Variants in LOXL3 observed in about 807,000 individuals in gnomAD.
LOXL3 encodes the protein lysyl oxidase like 3, also known as lysyl oxidase homolog 3.
In LOXL3, 60 loss-of-function variants were observed where a neutral mutation model predicts 91.8. That is an observed-to-expected ratio of 0.65 (90% CI 0.53 to 0.81). LOXL3 has a LOEUF of 0.81. Ranked by LOEUF, LOXL3 falls within the 30% of genes least tolerant of loss-of-function variation. The pLI, the probability that LOXL3 is intolerant of heterozygous loss-of-function variation, is 0.00. For synonymous variants in LOXL3, 355 were observed against 387.6 expected, an observed-to-expected ratio of 0.92 and a Z score of 0.99; for missense variants, 874 against 1,000.4, an observed-to-expected ratio of 0.87 and a Z score of 1.70.
intron 3 of LOXL3, 84 bp downstream of exon 3, chr2:74,550,101 A>G: frequency 6.6e-7 from 1 of 1,504,722 alleles, no homozygotes; most frequent in African/African-American, 1.4e-5. Context: ...AGGGGTAACT[A>G]CCTTCTAATG....
rs1306349031 is a variant in LOXL3 at position 74,552,368 on chromosome 2, TGTGAAGCCCAGCTCCC to T, written c.251_266del (p.Arg84GlnfsTer24). 1 of 1,611,534 alleles carries T rather than the reference TGTGAAGCCCAGCTCCC, an allele frequency of 6.2e-7. No individual in the cohort carries two copies. The highest frequency in any genetic ancestry group is 2.2e-5 in the East Asian group (1 of 44,804). On this transcript the variant is annotated frameshift_variant, in exon 2 of 14. Transcript: ENST00000264094. LOFTEE classifies it high-confidence loss of function. ...CACTGTGGGTCCAGCCTGTGGCCTC[TGTGAAGCCCAGCTCCC>T]GGCAGAGGATGTGGGCAGCCTGCAG... is the stretch of plus-strand genomic sequence containing the variant.
In LOXL3 at chr2:74,535,113, G is replaced by A. The variant is rs1359090402; in HGVS notation, c.1579+179C>T. On this transcript the variant is annotated intron_variant, in intron 9 of 13. Transcript: ENST00000264094. This position sits in a 1 kb window ranked among gnomAD's most constrained non-coding sequence, Gnocchi z 4.2. The stretch of plus-strand genomic sequence containing the variant: ...AGGCTGGTCTTGAATTCCTGACCTC[G>A]TGATCCATCCGCCTTGGCCTCCTAA... 2.0e-5 allele frequency among the ~76,000 whole-genome samples: 3 copies of A among 152,264 alleles called. No individual in the cohort carries two copies. Among genetic ancestry groups the A allele is most frequent in the Non-Finnish European group, 4.4e-5 (3 of 68,004 alleles).
chr2:74,552,149 T>C (rs1247670951), intron 2 of LOXL3, among the ~76,000 whole-genome samples, 173 bp downstream of exon 2: 1 of 152,198 alleles, frequency 6.6e-6, no homozygotes, highest in Non-Finnish European at 1.5e-5. Flanking sequence ...TAGCCTAAGG[T>C]CACACAGCTC....
In LOXL3 at chr2:74,534,112, G is replaced by A. The variant is rs139838276; in HGVS notation, c.2064C>T (p.Asn688=). Residue 688 remains asparagine, a synonymous_variant, in exon 12 of 14, where the codon AAC becomes AAT. Transcript: ENST00000264094. Reference sequence around the variant, plus strand: ...AGACTCCAGGTACCTGGAGAATGTAGTTTCCTGGCTTCACATCCGTGATGT... The same window carrying A: ...AGACTCCAGGTACCTGGAGAATGTAATTTCCTGGCTTCACATCCGTGATGT... ...WIDITDVKPG[N]YILQVVINPN... is the part of the protein sequence containing the mutation. 1.1e-4 allele frequency: 180 copies of A among 1,614,036 alleles called. No homozygotes were observed. The highest frequency in any genetic ancestry group is 1.6e-4 in the Middle Eastern group (1 of 6,084).
chr2:74,547,338 A>G (rs1418309334), intron 4 of LOXL3, among the ~76,000 whole-genome samples: 1 of 152,240 alleles, frequency 6.6e-6, no homozygotes, highest in Non-Finnish European at 1.5e-5. Flanking sequence ...CCTGGCACAT[A>G]GTAAGATCTC....
In LOXL3 at chr2:74,534,380, A is replaced by G. The variant is rs751033818; in HGVS notation, c.1875T>C (p.Asn625=). The G allele has an allele frequency of 6.2e-7, 1 of 1,614,214 alleles. No homozygotes were observed. ...TGTGGCCCTCAGCCACCTTGGTGCCATTTGGGGTGAGGATATCATAGTGAG... is the reference window on the plus strand; with the variant it reads ...TGTGGCCCTCAGCCACCTTGGTGCCGTTTGGGGTGAGGATATCATAGTGAG... The part of the protein sequence containing the change: ...IFTHYDILTP[N]GTKVAEGHKA... Residue 625 remains asparagine (N), a synonymous_variant, in exon 11 of 14, where the codon AAT becomes AAC. Transcript: ENST00000264094.
At chr2:74,554,399 G>T, upstream of LOXL3, 1 of 278,128 alleles carries the variant, frequency 3.6e-6, no homozygotes, top group South Asian at 5.1e-5. The surrounding 1 kb of genome is among the most constrained non-coding windows in gnomAD (Gnocchi z 4.9). Context: ...CCGGTGCCCG[G>T]GGCGCTTTCG....
In LOXL3 at chr2:74,549,948, G is replaced by C; in HGVS notation, c.477+237C>G. On this transcript the variant is annotated intron_variant, in intron 3 of 13. Transcript: ENST00000264094. This position sits in a 1 kb window ranked among gnomAD's most constrained non-coding sequence, Gnocchi z 5.3. ...GAGAAGGAGAGCACCAGGTGCCCCAGGGGTGACTAGGGATGAAGCTGGAGA... is the reference window on the plus strand; with the variant it reads ...GAGAAGGAGAGCACCAGGTGCCCCACGGGTGACTAGGGATGAAGCTGGAGA... 1 of 985,456 alleles carries C rather than the reference G, an allele frequency of 1.0e-6. No homozygotes were observed. The highest frequency in any genetic ancestry group is 1.2e-6 in the Non-Finnish European group (1 of 829,934). The allele number at this position is 985,456 out of a possible 1,614,324, so 61.0% of individuals were successfully genotyped here. A position where few individuals can be genotyped will look rare whatever the true frequency, so the allele number is the denominator to read the frequency against.
rs999674620 is a variant in LOXL3, at chr2:74,532,476, A to C, written c.*1130T>G. On this transcript the variant is annotated 3_prime_UTR_variant, in exon 14 of 14. Transcript: ENST00000264094. ...TTGCACTTTATTGCTAGAAGACAGA[A>C]AGTGAGTTGCCATTGTATTTTGTAG... 11 of 710,510 alleles carry C rather than the reference A, an allele frequency of 1.5e-5. No homozygotes were observed. The highest frequency in any genetic ancestry group is 2.8e-5 in the Non-Finnish European group (11 of 393,314). The allele number at this position is 710,510 out of a possible 1,614,324, so 44.0% of individuals were successfully genotyped here.
At chr2:74,554,510 C>G, upstream of LOXL3, 2 of 567,664 alleles carry the variant, frequency 3.5e-6, no homozygotes, top group Middle Eastern at 4.7e-4. This position sits in a 1 kb window ranked among gnomAD's most constrained non-coding sequence, Gnocchi z 4.9. Context: ...AAACCGAGGA[C>G]TTTCGGTGGA....
At chr2:74,538,969 A>G (rs1347045923) in intron 4 of LOXL3, among the ~76,000 whole-genome samples, 2 of 152,304 alleles carry the variant, frequency 1.3e-5, no homozygotes, top group East Asian at 3.9e-4. Context: ...AATGCCCTGG[A>G]AGGTGATTTC....
Position 74,536,198 on chromosome 2 carries a change from G to T in LOXL3, c.1094-48C>A. 6.2e-7 allele frequency: 1 copy of T among 1,611,892 alleles called. No homozygotes were observed. Among genetic ancestry groups the T allele is most frequent in the South Asian group, 1.1e-5 (1 of 91,076 alleles). On this transcript the variant is annotated intron_variant, in intron 6 of 13. Transcript: ENST00000264094. This position sits in a 1 kb window ranked among gnomAD's most constrained non-coding sequence, Gnocchi z 4.5. ...AGGAAGTTGTAATTAAGCATATATT[G>T]TCTGCCCAGGGGACACCTAACCTTC...
chr2:74,554,611 C>T (rs1677261696), upstream of LOXL3: 1 of 730,158 alleles, frequency 1.4e-6, no homozygotes. This position sits in a 1 kb window ranked among gnomAD's most constrained non-coding sequence, Gnocchi z 4.9. Context: ...CTTCTCGCTC[C>T]TCTCCCTCAC....
intron 4 of LOXL3, among the ~76,000 whole-genome samples, chr2:74,543,755 G>C (rs80330504): frequency 0.021 from 3,235 of 151,648 alleles, 109 homozygotes; most frequent in African/African-American, 0.074. Context: ...CAGCAAATTA[G>C]CTGGGCATGG....
At position 74,552,518 on chromosome 2, in the gene LOXL3, G is replaced by A. The variant is rs555634716; in HGVS notation, c.117C>T (p.Ser39=). The change falls in exon 2 of 14, where the codon AGC becomes AGT. Residue 39 remains serine, a synonymous_variant. Coordinates refer to ENST00000264094, the MANE Select transcript of LOXL3 (RefSeq NM_032603.5). ...PSTGPEKKAG[S]QGLRFRLAGF... is the part of the protein sequence containing the mutation. ...CAGCCAGCCGGAACCGAAGCCCCTG[G>A]CTCCCGGCCTTCTTCTCAGGGCCCG... is the stretch of plus-strand genomic sequence containing the variant. 33 of 1,613,500 alleles carry A rather than the reference G, an allele frequency of 2.0e-5. No individual in the cohort carries two copies. The African/African-American group carries it at 3.9e-4, about 19-fold the overall frequency.
Position 74,549,628 on chromosome 2 carries a change from T to C in LOXL3, c.478-45A>G. On this transcript the variant is annotated intron_variant, in intron 3 of 13. Transcript: ENST00000264094. This position sits in a 1 kb window ranked among gnomAD's most constrained non-coding sequence, Gnocchi z 5.3. ...CAGGGAAAGAATCCCAGTGGCACCT[T>C]TCATGTGTCCCGCCGCCCTTAAGGA... The C allele has an allele frequency of 6.4e-7, 1 of 1,565,988 alleles. No homozygotes were observed. The highest frequency in any genetic ancestry group is 8.7e-7 in the Non-Finnish European group (1 of 1,149,394).
In LOXL3 at chr2:74,535,321, C is replaced by G. The variant is rs758529496; in HGVS notation, c.1550G>C (p.Arg517Pro). The G allele has an allele frequency of 1.2e-6, 2 of 1,613,924 alleles. No homozygotes were observed. The highest frequency in any genetic ancestry group is 1.7e-6 in the Non-Finnish European group (2 of 1,179,974). The change falls in exon 9 of 14, where the codon CGC becomes CCC. Residue 517 changes from arginine (R) to proline (P), a missense_variant. Transcript: ENST00000264094. This position sits in a 1 kb window ranked among gnomAD's most constrained non-coding sequence, Gnocchi z 4.2. Reference protein sequence around the residue: ...THITCKRTGTRFTAGVICSET... With the variant: ...THITCKRTGTPFTAGVICSET... ...AGAACAGATGACTCCAGCAGTGAAG[C>G]GGGTCCCTGTCCTCTTGCAGGTGAT...
chr2:74,534,908 T>C, intron 9 of LOXL3, 134 bp from the exon 10 acceptor site: 2 of 1,063,388 alleles, frequency 1.9e-6, no homozygotes, highest in Non-Finnish European at 2.7e-6. Context: ...AGATGGAGTC[T>C]CACTCTGTTG....
In LOXL3 at chr2:74,536,924, G is replaced by A. The variant is rs745848046; in HGVS notation, c.697C>T (p.Leu233=). The A allele has an allele frequency of 6.2e-7, 1 of 1,613,988 alleles. No homozygotes were observed. Among genetic ancestry groups the A allele is most frequent in the South Asian group, 1.1e-5 (1 of 91,078 alleles). Residue 233 remains leucine (L), a synonymous_variant, in exon 5 of 14, where the codon CTA becomes TTA. Coordinates refer to ENST00000264094, the MANE Select transcript of LOXL3 (RefSeq NM_032603.5). This position sits in a 1 kb window ranked among gnomAD's most constrained non-coding sequence, Gnocchi z 4.5. ...AAGGAGTGTTGCTGCCGTTGGGCTA[G>A]CAGCCTAGGGGGACAGGAGTGAGGT... is the stretch of plus-strand genomic sequence containing the variant. ...KRVNAAFYRL[L]AQRQQHSFGL...
Sources: gnomAD v4.1 joint callset for allele counts (sites outside exome capture counted in the v4.1 genomes callset) on GRCh38, gnomAD v4.1.1 for gene constraint, Gnocchi (gnomAD v3.1) non-coding constraint, MANE v1.5 for transcripts, NCBI Gene and HGNC (gene_info 2026-07-23, HGNC 2026-07-21) for gene names.